The following GATA3 variants were observed in gnomAD, a reference collection of about 807,000 sequenced individuals.
GATA3 encodes trans-acting T-cell-specific transcription factor GATA-3.
In GATA3, 6 loss-of-function variants were observed where a neutral mutation model predicts 36.0. The observed-to-expected ratio is 0.17, with a 90% CI of 0.09 to 0.33. The LOEUF (loss-of-function observed/expected upper bound fraction) is 0.33, where lower values mean the gene tolerates loss of function less well. GATA3 is among the 10% of genes least tolerant of loss of function. The probability of loss-of-function intolerance (pLI) is 1.00; values close to 1 mark genes in which losing one functional copy is unlikely to be tolerated. For synonymous variants in GATA3, 326 were observed against 273.0 expected (o/e 1.19, Z -1.92); for missense variants, 514 against 610.1 (o/e 0.84, Z 1.66).
At chr10:8,050,826 C>G (rs749793943), upstream of GATA3, 18 of 382,786 alleles carry the variant, frequency 4.7e-5, no homozygotes, top group South Asian at 3.3e-4. Flanking sequence ...CCGGGCGGCC[C>G]GAGGCACGCT....
At chr10:8,073,627 C>A in intron 5 of GATA3, 112 bp from the exon 6 acceptor site, 1 of 1,209,944 alleles carries the variant, frequency 8.3e-7, no homozygotes, top group Non-Finnish European at 1.1e-6. Flanking sequence ...GAAATGGAAA[C>A]AGATCCCTGA....
rs760057641 is a variant in GATA3, at chr10:8,073,960, C to T, written c.1272C>T (p.His424=). The T allele has an allele frequency of 7.4e-6, 12 of 1,614,062 alleles. No homozygotes were observed. Among genetic ancestry groups the T allele is most frequent in the Admixed American group, 5.0e-5 (3 of 60,012 alleles). ...SHMLTTPTPM[H]PPSSLSFGPH... is the part of the protein sequence containing the mutation. The stretch of plus-strand genomic sequence containing the variant: ...TGCTGACCACGCCCACGCCGATGCA[C>T]CCGCCATCCAGCCTGTCCTTTGGAC... The change falls in exon 6 of 6, where the codon CAC becomes CAT. Residue 424 remains histidine (H), a synonymous_variant. Transcript: ENST00000379328.
rs965613045 is a variant in GATA3, at chr10:8,065,499, C to A, written c.924+1361C>A. 9.9e-5 allele frequency among the ~76,000 whole-genome samples: 15 copies of A among 151,888 alleles called. No individual in the cohort carries two copies. In the South Asian group the frequency reaches 1.0e-3, roughly 11 times the overall value. ...TCTCAAACTCCTGACCTCAGGTGAT[C>A]CACCGCCTCGGCCTCCCAGAGTGCT... On this transcript the variant is annotated intron_variant, in intron 4 of 5. Transcript: ENST00000379328.
chr10:8,068,388 T>C (rs1405396841), intron 4 of GATA3, among the ~76,000 whole-genome samples: 4 of 152,134 alleles, frequency 2.6e-5, no homozygotes, highest in African/African-American at 9.7e-5. Flanking sequence ...TTTGTTTGAT[T>C]GGTGAATCAA....
Position 8,058,468 on chromosome 10 carries a change from G to T in GATA3, c.405G>T (p.Pro135=). 6.2e-7 allele frequency: 1 copy of T among 1,612,532 alleles called. No individual in the cohort carries two copies. The highest frequency in any genetic ancestry group is 8.5e-7 in the Non-Finnish European group (1 of 1,179,832). ...GSPGPLSVYP[P]ASSSSLSGGH... ...CGGGGCCCCTCTCCGTCTACCCCCC[G>T]GCCTCGTCCTCCTCCTTGTCGGGGG... The change falls in exon 3 of 6, where the codon CCG becomes CCT. Residue 135 remains proline (P), a synonymous_variant. Transcript: ENST00000379328.
chr10:8,062,360 C>T (rs1251859036), intron 3 of GATA3, among the ~76,000 whole-genome samples: 1 of 106,004 alleles, frequency 9.4e-6, no homozygotes, highest in Non-Finnish European at 2.0e-5. Flanking sequence ...CTTACATCCT[C>T]ATTTTTTTTT....
In GATA3 at chr10:8,055,272, T is replaced by G; in HGVS notation, c.-369-15T>G. 2 of 379,916 alleles carry G rather than the reference T, an allele frequency of 5.3e-6. No individual in the cohort carries two copies. Among genetic ancestry groups the G allele is most frequent in the Non-Finnish European group, 9.6e-6 (2 of 207,792 alleles). The allele number at this position is 379,916 out of a possible 1,614,324, so 23.5% of individuals were successfully genotyped here. A position where few individuals can be genotyped will look rare whatever the true frequency, so the allele number is the denominator to read the frequency against. On this transcript the variant is annotated splice_polypyrimidine_tract_variant and intron_variant, in intron 1 of 5. Transcript: ENST00000379328. The surrounding 1 kb of genome is among the most constrained non-coding windows in gnomAD (Gnocchi z 5.4). ...CTCAGGGGCTCATCCAGGTCTCCCA[T>G]TCTCTCCCTTGCAGGTGACCCGAGG...
At chr10:8,072,106 G>A (rs774374927) in intron 5 of GATA3, among the ~76,000 whole-genome samples, 1 of 152,090 alleles carries the variant, frequency 6.6e-6, no homozygotes, top group African/African-American at 2.4e-5. Flanking sequence ...TCCTGCCATC[G>A]GTCACGTTGC....
intron 1 of GATA3, among the ~76,000 whole-genome samples, chr10:8,047,071 C>T (rs1832400565): frequency 6.6e-6 from 1 of 152,200 alleles, no homozygotes; most frequent in African/African-American, 2.4e-5. Flanking sequence ...TTGACATTTA[C>T]ACCCTGCCTT....
intron 3 of GATA3, among the ~76,000 whole-genome samples, chr10:8,062,407 C>A (rs1403798805): frequency 1.0e-4 from 15 of 150,136 alleles, no homozygotes; most frequent in African/African-American, 3.2e-4. Context: ...AACTAGTGGG[C>A]ACCATCCCTG....
upstream of GATA3, among the ~76,000 whole-genome samples, chr10:8,049,564 G>C (rs994348968): frequency 1.3e-5 from 2 of 152,162 alleles, no homozygotes; most frequent in African/African-American, 4.8e-5. Context: ...GGCTCCCCGC[G>C]GTGTGGCCCG....
At chr10:8,049,540 G>T (rs904060899), upstream of GATA3, among the ~76,000 whole-genome samples, 1 of 152,164 alleles carries the variant, frequency 6.6e-6, no homozygotes, top group African/African-American at 2.4e-5. Context: ...GGTCCGGGGC[G>T]CCCTGCCGCA....
chr10:8,050,661 G>T (rs1832461514), upstream of GATA3: 1 of 218,034 alleles, frequency 4.6e-6, no homozygotes, highest in Non-Finnish European at 9.3e-6. Context: ...GGCAGGCGCC[G>T]GGGCTCCGGG....
chr10:8,074,406 T>G lies in GATA3; in HGVS notation c.*383T>G, dbSNP rs116910852. The G allele has an allele frequency of 1.7e-4, 44 of 260,390 alleles. No individual in the cohort carries two copies. Among genetic ancestry groups the G allele is most frequent in the Non-Finnish European group, 3.1e-4 (43 of 137,130 alleles). The allele number at this position is 260,390 out of a possible 1,614,324, so 16.1% of individuals were successfully genotyped here. A position where few individuals can be genotyped will look rare whatever the true frequency, so the allele number is the denominator to read the frequency against. On this transcript the variant is annotated 3_prime_UTR_variant, in exon 6 of 6. Transcript: ENST00000379328. ...AGTTTAAGGAATATGGGAGAAATAG[T>G]GTGGAAATTAAGAAGAAACTAGGTC...
intron 3 of GATA3, among the ~76,000 whole-genome samples, chr10:8,061,052 T>C (rs1222791927): frequency 6.6e-6 from 1 of 151,370 alleles, no homozygotes. Context: ...GGGATTCTCT[T>C]GGTTTTAGTG....
At chr10:8,059,452 T>C (rs929608521) in intron 3 of GATA3, among the ~76,000 whole-genome samples, 22 of 152,188 alleles carry the variant, frequency 1.4e-4, no homozygotes, top group African/African-American at 4.6e-4. Flanking sequence ...TGGCTTTGCA[T>C]TGGGGAAGCA....
At chr10:8,065,321 G>A (rs1054380005) in intron 4 of GATA3, among the ~76,000 whole-genome samples, 4 of 137,452 alleles carry the variant, frequency 2.9e-5, no homozygotes, top group Admixed American at 7.7e-5. Context: ...GCAGTGGCAC[G>A]ATCTCGGCTC....
chr10:8,045,341 C>T (rs1300045262), upstream of GATA3: 1 of 152,502 alleles, frequency 6.6e-6, no homozygotes, highest in African/African-American at 2.4e-5. Context: ...ACGTACATCG[C>T]CCAGGTTTTA....
upstream of GATA3, chr10:8,051,109 G>A (rs922461366): frequency 6.2e-6 from 3 of 481,084 alleles, no homozygotes; most frequent in East Asian, 6.6e-5. Flanking sequence ...ACCCGACTGG[G>A]TTTCCCCACT....
Sources: gnomAD v4.1 joint callset for allele counts (sites outside exome capture counted in the v4.1 genomes callset) on GRCh38, gnomAD v4.1.1 for gene constraint, Gnocchi (gnomAD v3.1) non-coding constraint, MANE v1.5 for transcripts, NCBI Gene and HGNC (gene_info 2026-07-23, HGNC 2026-07-21) for gene names.